Variants in WWOX observed in about 807,000 individuals in gnomAD.
WWOX encodes WW domain containing oxidoreductase, also known as WW domain-containing oxidoreductase.
In WWOX, 69 loss-of-function variants were observed where a neutral mutation model predicts 46.2. The observed-to-expected ratio is 1.49, with a 90% CI of 1.23 to 1.82. The LOEUF is 1.82. Ranked by LOEUF, WWOX falls within the 40% of genes most tolerant of loss-of-function variation. The pLI is 0.00. For synonymous variants in WWOX, 359 were observed against 202.6 expected, an observed-to-expected ratio of 1.77 and a Z score of -6.56; for missense variants, 919 against 542.6, an observed-to-expected ratio of 1.69 and a Z score of -6.89.
intron 8 of WWOX, among the ~76,000 whole-genome samples, chr16:79,021,140 T>G (rs1208330005): frequency 6.6e-6 from 1 of 152,184 alleles, no homozygotes; most frequent in Non-Finnish European, 1.5e-5. Flanking sequence ...ATATATTTGT[T>G]GAATGAATGA....
intron 8 of WWOX, chr16:78,550,876 G>T (rs1461099013): frequency 6.6e-6 from 1 of 152,166 alleles, no homozygotes; most frequent in African/African-American, 2.4e-5. Flanking sequence ...GAAAAAAGGA[G>T]TAAGAGAGAT....
At chr16:78,365,527 C>A (rs1008906383) in intron 5 of WWOX, among the ~76,000 whole-genome samples, 3 of 152,130 alleles carry the variant, frequency 2.0e-5, no homozygotes, top group African/African-American at 7.2e-5. Context: ...GATTCAGATT[C>A]CTGCTGGAAG....
intron 8 of WWOX, among the ~76,000 whole-genome samples, chr16:78,745,252 A>G (rs945660765): frequency 1.3e-5 from 2 of 152,226 alleles, no homozygotes; most frequent in South Asian, 2.1e-4. Context: ...CTGATTGATT[A>G]CATTTGAATC....
At chr16:78,951,698 T>C (rs1307070158) in intron 8 of WWOX, among the ~76,000 whole-genome samples, 1 of 152,160 alleles carries the variant, frequency 6.6e-6, no homozygotes, top group Non-Finnish European at 1.5e-5. Flanking sequence ...TTCTACCCAG[T>C]ACCGGGGAAC....
chr16:78,971,665 T>A (rs2046472972), intron 8 of WWOX, among the ~76,000 whole-genome samples: 1 of 151,944 alleles, frequency 6.6e-6, no homozygotes, highest in South Asian at 2.1e-4. Flanking sequence ...TCCTTAGGGT[T>A]CCTTTTTTTC....
At chr16:78,413,079 C>T (rs968071200) in intron 6 of WWOX, among the ~76,000 whole-genome samples, 33 of 152,142 alleles carry the variant, frequency 2.2e-4, no homozygotes, top group African/African-American at 8.0e-4. Context: ...TCCTTTCCTG[C>T]TAGCTGGACA....
chr16:78,226,756 C>T (rs1057234210), intron 5 of WWOX, among the ~76,000 whole-genome samples: 1 of 152,000 alleles, frequency 6.6e-6, no homozygotes, highest in Non-Finnish European at 1.5e-5. Context: ...TGCTGATGGG[C>T]ACACTATTAC....
At chr16:78,190,098 G>A (rs539933538) in intron 5 of WWOX, among the ~76,000 whole-genome samples, 1 of 152,316 alleles carries the variant, frequency 6.6e-6, no homozygotes, top group South Asian at 2.1e-4. Flanking sequence ...GGGGGTGGTG[G>A]TAATTTGCAT....
intron 8 of WWOX, among the ~76,000 whole-genome samples, chr16:79,134,976 G>C (rs2049955400): frequency 6.6e-6 from 1 of 152,160 alleles, no homozygotes; most frequent in South Asian, 2.1e-4. Flanking sequence ...ACATACATTT[G>C]AAAATTAGGA....
chr16:78,705,724 G>A (rs1431343599), intron 8 of WWOX, among the ~76,000 whole-genome samples: 3 of 152,182 alleles, frequency 2.0e-5, no homozygotes, highest in African/African-American at 7.2e-5. Context: ...CTATGCCTTT[G>A]GTGACTTTGT....
chr16:78,699,071 C>G (rs899341327), intron 8 of WWOX, among the ~76,000 whole-genome samples: 4 of 152,234 alleles, frequency 2.6e-5, no homozygotes, highest in African/African-American at 9.6e-5. Context: ...TGTGTTACAA[C>G]TGTTCAGCTC....
At chr16:78,241,490 G>T (rs529809874) in intron 5 of WWOX, among the ~76,000 whole-genome samples, 4 of 151,952 alleles carry the variant, frequency 2.6e-5, no homozygotes, top group East Asian at 1.9e-4. Flanking sequence ...GTGCAGTGGC[G>T]CCATCTCGGC....
At chr16:78,127,578 A>T (rs2033414842) in intron 4 of WWOX, among the ~76,000 whole-genome samples, 1 of 151,314 alleles carries the variant, frequency 6.6e-6, no homozygotes, top group Admixed American at 6.6e-5. Context: ...AAAAAGGGAT[A>T]TATTAAACTT....
At chr16:78,109,860 C>T (rs192470406) in intron 3 of WWOX, 25 bp downstream of exon 3, 20 of 1,613,778 alleles carry the variant, frequency 1.2e-5, no homozygotes, top group Non-Finnish European at 1.7e-6. Context: ...AGAAACCACT[C>T]TCAGCTGTTT....
chr16:79,174,370 C>T lies in WWOX; in HGVS notation c.1057-37238C>T, dbSNP rs114615650. 3.4e-3 allele frequency among the ~76,000 whole-genome samples: 519 copies of T among 152,272 alleles called. 2 individuals are homozygous for T. Among genetic ancestry groups the T allele is most frequent in the African/African-American group, 0.01 (425 of 41,560 alleles). On this transcript the variant is annotated intron_variant, in intron 8 of 8. Transcript: ENST00000566780. ...CCTTCAAGATTAAGAAGGGACTAGC[C>T]GGGTGTGGTGGCTCACGCCTGTAAT...
chr16:78,862,673 C>G (rs149985409), intron 8 of WWOX, among the ~76,000 whole-genome samples: 4 of 152,210 alleles, frequency 2.6e-5, no homozygotes, highest in Non-Finnish European at 5.9e-5. Flanking sequence ...ATATCCAAGT[C>G]TGAGTCCAAG....
chr16:78,208,543 C>T (rs1420720931), intron 5 of WWOX, among the ~76,000 whole-genome samples: 1 of 152,098 alleles, frequency 6.6e-6, no homozygotes, highest in Non-Finnish European at 1.5e-5. Context: ...TTAATTTTGT[C>T]ATGTTTAATA....
intron 8 of WWOX, among the ~76,000 whole-genome samples, chr16:78,531,043 G>A (rs1414865922): frequency 6.6e-6 from 1 of 152,172 alleles, no homozygotes; most frequent in Non-Finnish European, 1.5e-5. Context: ...TCCATTAACT[G>A]TCCTTGTTTT....
intron 8 of WWOX, among the ~76,000 whole-genome samples, chr16:78,860,938 C>T (rs1041517908): frequency 3.3e-5 from 5 of 152,196 alleles, no homozygotes; most frequent in Non-Finnish European, 7.3e-5. Context: ...ACTTCAGCCC[C>T]CTGAGTAGCT....
Sources: allele counts gnomAD v4.1 joint callset (sites outside exome capture counted in the v4.1 genomes callset), GRCh38; gene constraint gnomAD v4.1.1; transcripts MANE v1.5; gene names NCBI Gene and HGNC (gene_info 2026-07-23, HGNC 2026-07-21).